PBX1: variants seen among roughly 807,000 people sequenced by gnomAD.
The protein encoded by PBX1 is PBX homeobox 1.
Under a neutral mutation model 53.4 loss-of-function variants are expected in PBX1, and 6 were observed. That is an observed-to-expected ratio of 0.11 (90% CI 0.06 to 0.22). The LOEUF is 0.22. Ranked by LOEUF, PBX1 falls within the 10% of genes least tolerant of loss-of-function variation. The pLI, the probability that PBX1 is intolerant of heterozygous loss-of-function variation, is 1.00. For missense variants in PBX1, 251 were observed against 551.4 expected (o/e 0.46, Z 5.46); for synonymous variants, 204 against 212.3 (o/e 0.96, Z 0.34).
At chr1:164,560,051 T>A in intron 1 of PBX1, 38 bp downstream of exon 1, 5 of 937,028 alleles carry the variant, frequency 5.3e-6, no homozygotes, top group Non-Finnish European at 7.1e-6. Flanking sequence ...CTTGGGGTTT[T>A]TTGTTTTTCT....
chr1:164,759,166 A>G (rs985864776), intron 2 of PBX1, among the ~76,000 whole-genome samples: 4 of 152,246 alleles, frequency 2.6e-5, no homozygotes, highest in Non-Finnish European at 5.9e-5. Flanking sequence ...CTAAAAAAAT[A>G]TGCCTTTAAA....
rs78130048 is a variant in PBX1, at chr1:164,674,847, G to GCCCCCCCCCCCCCCCCCCC, written c.265+111551_265+111552insCCCCCCCCCCCCCCCCCCC. On this transcript the variant is annotated intron_variant, in intron 2 of 8. Coordinates refer to ENST00000420696, the MANE Select transcript of PBX1 (RefSeq NM_002585.4). ...TATTTAGTTAGAGGAAGAAATCACA[G>GCCCCCCCCCCCCCCCCCCC]CCCCCCCCCCCCCCCACCCACCACC... 2 of 40,712 alleles carry GCCCCCCCCCCCCCCCCCCC rather than the reference G, an allele frequency of 4.9e-5. 1 individual carries two copies. The highest frequency in any genetic ancestry group is 1.2e-4 in the Non-Finnish European group (2 of 16,248). The allele number at this position is 40,712 out of a possible 1,614,324, so 2.5% of individuals were successfully genotyped here. A position where few individuals can be genotyped will look rare whatever the true frequency, so the allele number is the denominator to read the frequency against.
At chr1:164,569,837 C>T (rs566768472) in intron 2 of PBX1, among the ~76,000 whole-genome samples, 4 of 152,066 alleles carry the variant, frequency 2.6e-5, no homozygotes, top group South Asian at 4.2e-4. Flanking sequence ...GGTTTACAGC[C>T]GTAAGCCACC....
intron 2 of PBX1, among the ~76,000 whole-genome samples, chr1:164,671,133 C>T (rs1437989961): frequency 1.3e-5 from 2 of 151,592 alleles, no homozygotes; most frequent in Non-Finnish European, 2.9e-5. Flanking sequence ...TCTGCACCGA[C>T]AGAAATCACA....
At chr1:164,635,647 C>A (rs551400403) in intron 2 of PBX1, among the ~76,000 whole-genome samples, 3 of 152,052 alleles carry the variant, frequency 2.0e-5, no homozygotes, top group Non-Finnish European at 2.9e-5. Context: ...CACCCTTCCT[C>A]CTGTGCCTCT....
chr1:164,567,600 GA>G (rs1257193356), intron 2 of PBX1, among the ~76,000 whole-genome samples: 1 of 152,116 alleles, frequency 6.6e-6, no homozygotes, highest in African/African-American at 2.4e-5. Context: ...TTATAATGTG[GA>G]TATAAGCCGT....
In PBX1 at chr1:164,820,118, G is replaced by A. The variant is rs761944828; in HGVS notation, c.1044G>A (p.Met348Ile). 23 of 1,613,716 alleles carry A rather than the reference G, an allele frequency of 1.4e-5. No homozygotes were observed. The highest frequency in any genetic ancestry group is 2.7e-5 in the African/African-American group (2 of 74,842). ...TGTCAAACTCTGGAGATTTGTTCATGAGCGTGCAGTCACTCAATGGGGATT... is the reference window on the plus strand; with the variant it reads ...TGTCAAACTCTGGAGATTTGTTCATAAGCGTGCAGTCACTCAATGGGGATT... ...FNMSNSGDLF[M>I]SVQSLNGDSY... The change falls in exon 7 of 9, where the codon ATG becomes ATA. Residue 348 changes from methionine (M) to isoleucine (I), a missense_variant. Transcript: ENST00000420696.
At chr1:164,776,221 A>G (rs1033648322) in intron 2 of PBX1, among the ~76,000 whole-genome samples, 39 of 152,260 alleles carry the variant, frequency 2.6e-4, no homozygotes, top group African/African-American at 8.7e-4. Flanking sequence ...ATCATAGCTC[A>G]TTGTACGTGG....
intron 2 of PBX1, among the ~76,000 whole-genome samples, chr1:164,690,458 T>A (rs1282956629): frequency 1.3e-5 from 2 of 152,284 alleles, no homozygotes; most frequent in Admixed American, 1.3e-4. Context: ...AGTCCTTACC[T>A]TGAAATGATT....
At chr1:164,685,633 A>G (rs1662051835) in intron 2 of PBX1, among the ~76,000 whole-genome samples, 1 of 152,218 alleles carries the variant, frequency 6.6e-6, no homozygotes, top group South Asian at 2.1e-4. Context: ...CTCCCTGTAC[A>G]AGCAACAGTG....
At chr1:164,734,998 C>T (rs995453518) in intron 2 of PBX1, among the ~76,000 whole-genome samples, 1 of 152,148 alleles carries the variant, frequency 6.6e-6, no homozygotes, top group African/African-American at 2.4e-5. Context: ...ATATACATCT[C>T]CAGCTAAAAT....
At chr1:164,830,180 A>C (rs1238557956) in intron 8 of PBX1, among the ~76,000 whole-genome samples, 1 of 152,208 alleles carries the variant, frequency 6.6e-6, no homozygotes, top group Non-Finnish European at 1.5e-5. Context: ...AATATAATTT[A>C]AAAATTTAGA....
intron 2 of PBX1, among the ~76,000 whole-genome samples, chr1:164,738,378 T>C (rs1665414690): frequency 6.6e-6 from 1 of 152,190 alleles, no homozygotes; most frequent in African/African-American, 2.4e-5. Flanking sequence ...CTCAAAATCC[T>C]GGGCTCAAGC....
At chr1:164,668,028 T>C (rs1371638549) in intron 2 of PBX1, among the ~76,000 whole-genome samples, 2 of 152,196 alleles carry the variant, frequency 1.3e-5, no homozygotes, top group African/African-American at 4.8e-5. Context: ...CTCTCCCTGA[T>C]TGATAGGGCT....
rs537699693 is a variant in PBX1, at chr1:164,848,446, G to A, written c.*1770G>A. The A allele has an allele frequency of 4.1e-4, 429 of 1,055,992 alleles. 1 individual carries two copies. Among genetic ancestry groups the A allele is most frequent in the Non-Finnish European group, 4.5e-4 (393 of 873,514 alleles). The allele number at this position is 1,055,992 out of a possible 1,614,324, so 65.4% of individuals were successfully genotyped here. ...TTGTTCATATCCAATCTGTAAATGC[G>A]AAGTCAGGGGAAGTAATGTCCCTGA... On this transcript the variant is annotated 3_prime_UTR_variant, in exon 9 of 9. Coordinates refer to ENST00000420696, the MANE Select transcript of PBX1 (RefSeq NM_002585.4).
chr1:164,769,696 A>G (rs1667262914), intron 2 of PBX1, among the ~76,000 whole-genome samples: 1 of 152,190 alleles, frequency 6.6e-6, no homozygotes, highest in African/African-American at 2.4e-5. Flanking sequence ...TCATTTATGA[A>G]TAACTTATAT....
At chr1:164,724,704 TTTTTTA>T (rs1434561059) in intron 2 of PBX1, among the ~76,000 whole-genome samples, 38 of 112,196 alleles carry the variant, frequency 3.4e-4, no homozygotes, top group Non-Finnish European at 5.0e-4. Flanking sequence ...TTTTTTTTTT[TTTTTTA>T]GTGCCCATTC....
intron 2 of PBX1, among the ~76,000 whole-genome samples, chr1:164,786,712 T>C (rs867315750): frequency 2.6e-4 from 30 of 114,826 alleles, no homozygotes; most frequent in East Asian, 1.5e-3. Flanking sequence ...TGTGTGTGTG[T>C]GTGTGTGTGC....
intron 2 of PBX1, chr1:164,641,529 C>G (rs888118665): frequency 1.3e-5 from 2 of 152,420 alleles, no homozygotes; most frequent in African/African-American, 2.4e-5. Context: ...GGACAGAGGC[C>G]TTGGTTGCCA....
Sources: gnomAD v4.1 joint callset for allele counts (sites outside exome capture counted in the v4.1 genomes callset) on GRCh38, gnomAD v4.1.1 for gene constraint, MANE v1.5 for transcripts, NCBI Gene and HGNC (gene_info 2026-07-23, HGNC 2026-07-21) for gene names.